The following RCOR1 variants were observed in gnomAD, a reference collection of about 807,000 sequenced individuals.
RCOR1 encodes the protein REST corepressor 1, also known as REST corepressor.
Under a neutral mutation model 64.0 loss-of-function variants are expected in RCOR1, and 12 were observed. The observed-to-expected ratio is 0.19, with a 90% CI of 0.12 to 0.30. The LOEUF (loss-of-function observed/expected upper bound fraction) is 0.30. Among genes scored for constraint, RCOR1 ranks in the 10% least tolerant of loss-of-function variants. RCOR1 has a pLI of 1.00. For missense variants in RCOR1, 502 were observed against 621.2 expected, an observed-to-expected ratio of 0.81 and a Z score of 2.04; for synonymous variants, 279 against 227.2, an observed-to-expected ratio of 1.23 and a Z score of -2.05.
intron 2 of RCOR1, among the ~76,000 whole-genome samples, chr14:102,626,476 CCT>C (rs1415901490): frequency 6.6e-6 from 1 of 152,208 alleles, no homozygotes; most frequent in East Asian, 1.9e-4. Context: ...AATCATGGCA[CCT>C]CTCAGAATAC....
intron 2 of RCOR1, among the ~76,000 whole-genome samples, chr14:102,614,805 A>G (rs1400568066): frequency 6.6e-6 from 1 of 152,150 alleles, no homozygotes; most frequent in Non-Finnish European, 1.5e-5. Context: ...AAGCATATAA[A>G]AAACAAAAAT....
chr14:102,723,374 GCGTGGTGCCGC>G (rs1196788750), intron 11 of RCOR1, among the ~76,000 whole-genome samples: 9 of 152,232 alleles, frequency 5.9e-5, no homozygotes, highest in Non-Finnish European at 4.4e-5. Flanking sequence ...TCCCCTGGGA[GCGTGGTGCCGC>G]CACTCCATGC....
chr14:102,725,664 A>G (rs1896244333), intron 11 of RCOR1, among the ~76,000 whole-genome samples: 2 of 152,108 alleles, frequency 1.3e-5, no homozygotes, highest in Non-Finnish European at 2.9e-5. Context: ...TGCAGCCTCC[A>G]TCTCCCGAGC....
At chr14:102,631,175 G>A (rs184366325) in intron 2 of RCOR1, among the ~76,000 whole-genome samples, 2 of 151,640 alleles carry the variant, frequency 1.3e-5, no homozygotes, top group Non-Finnish European at 2.9e-5. Context: ...GGGTGTGGGA[G>A]TAGGTCCATT....
chr14:102,601,528 G>C (rs956764973), intron 2 of RCOR1, among the ~76,000 whole-genome samples: 13 of 152,214 alleles, frequency 8.5e-5, no homozygotes, highest in African/African-American at 3.1e-4. Flanking sequence ...GGTGGCAAGA[G>C]CCTTTACACT....
At chr14:102,712,709 C>T (rs1353868967) in intron 7 of RCOR1, among the ~76,000 whole-genome samples, 3 of 132,694 alleles carry the variant, frequency 2.3e-5, no homozygotes, top group Non-Finnish European at 3.2e-5. Context: ...GGAAATTGGT[C>T]GTTTTTTTCT....
At chr14:102,643,414 T>C (rs1424021751) in intron 2 of RCOR1, 2 of 552,676 alleles carry the variant, frequency 3.6e-6, no homozygotes, top group East Asian at 1.5e-4. Flanking sequence ...AGTATAGCAG[T>C]ATAGAGATGT....
At chr14:102,710,220 C>A (rs573978455) in intron 6 of RCOR1, among the ~76,000 whole-genome samples, 1 of 152,142 alleles carries the variant, frequency 6.6e-6, no homozygotes, top group African/African-American at 2.4e-5. Context: ...AGAGGCAGTG[C>A]GAGGTGGGCA....
In RCOR1 at chr14:102,712,961, T is replaced by TG. The variant is rs1895991870; in HGVS notation, c.859-1462_859-1461insG. ...GCTAAATCATTGTTTTTTTTTTTTTTTTTTTTTTTTGGAGATGGAGTCTTG... is the reference window on the plus strand; with the variant it reads ...GCTAAATCATTGTTTTTTTTTTTTTTGTTTTTTTTTTGGAGATGGAGTCTTG... On this transcript the variant is annotated intron_variant, in intron 7 of 11. Transcript: ENST00000262241. Among the ~76,000 whole-genome samples the TG allele has an allele frequency of 7.0e-5, 10 of 142,472 alleles. No individual in the cohort carries two copies. In the South Asian group the frequency reaches 1.7e-3, roughly 24 times the overall value. 93.5% of individuals were successfully genotyped at this position (142,472 alleles called of 152,430 possible). A position where few individuals can be genotyped will look rare whatever the true frequency, so the allele number is the denominator to read the frequency against.
chr14:102,679,992 A>T (rs1280640386), intron 2 of RCOR1, among the ~76,000 whole-genome samples: 1 of 152,336 alleles, frequency 6.6e-6, no homozygotes, highest in East Asian at 1.9e-4. Context: ...TTGAATCTTT[A>T]GAGCAGTTTG....
chr14:102,658,935 G>A (rs1195255708), intron 2 of RCOR1: 1 of 211,754 alleles, frequency 4.7e-6, no homozygotes. Context: ...GGCCAAGGTT[G>A]TTTCCCTACT....
At chr14:102,693,468 A>G (rs1214059433) in intron 3 of RCOR1, among the ~76,000 whole-genome samples, 2 of 152,228 alleles carry the variant, frequency 1.3e-5, no homozygotes, top group Non-Finnish European at 2.9e-5. Context: ...ACTTGTTTGT[A>G]TAGCAGTGCT....
chr14:102,662,082 G>A (rs1445690731), intron 2 of RCOR1, among the ~76,000 whole-genome samples: 2 of 152,190 alleles, frequency 1.3e-5, no homozygotes. Flanking sequence ...TAGACTGGGT[G>A]ATTTTGTAGT....
chr14:102,629,442 T>TCCCCC (rs34832312), intron 2 of RCOR1, among the ~76,000 whole-genome samples: 1 of 146,058 alleles, frequency 6.8e-6, no homozygotes, highest in African/African-American at 2.6e-5. Flanking sequence ...CTTAACAGCC[T>TCCCCC]CCCCCCCCCC....
chr14:102,715,006 C>T (rs915105101), intron 8 of RCOR1, among the ~76,000 whole-genome samples: 1 of 152,010 alleles, frequency 6.6e-6, no homozygotes, highest in Non-Finnish European at 1.5e-5. Context: ...TGGAATGTTG[C>T]ATTCCCTCAG....
At chr14:102,674,946 G>T (rs1047659461) in intron 2 of RCOR1, among the ~76,000 whole-genome samples, 1 of 149,628 alleles carries the variant, frequency 6.7e-6, no homozygotes, top group African/African-American at 2.5e-5. Context: ...TGTAGTCCCA[G>T]CTACAGGCTG....
chr14:102,610,596 T>C (rs1421096274), intron 2 of RCOR1, among the ~76,000 whole-genome samples: 1 of 152,124 alleles, frequency 6.6e-6, no homozygotes, highest in Non-Finnish European at 1.5e-5. Flanking sequence ...AGAGTGTCGC[T>C]CTGTTCCCCA....
At chr14:102,674,581 A>G (rs1169554684) in intron 2 of RCOR1, among the ~76,000 whole-genome samples, 1 of 152,204 alleles carries the variant, frequency 6.6e-6, no homozygotes, top group Non-Finnish European at 1.5e-5. Flanking sequence ...CTGGCTTGCA[A>G]GGTATCCACA....
chr14:102,607,436 A>C (rs1469912501), intron 2 of RCOR1, among the ~76,000 whole-genome samples: 2 of 152,150 alleles, frequency 1.3e-5, no homozygotes. Context: ...AAAGTGGTGC[A>C]AGTCACATCA....
Sources: gnomAD v4.1 joint callset for allele counts (sites outside exome capture counted in the v4.1 genomes callset) on GRCh38, gnomAD v4.1.1 for gene constraint, MANE v1.5 for transcripts, NCBI Gene and HGNC (gene_info 2026-07-23, HGNC 2026-07-21) for gene names.